The following IFT88 variants were observed in gnomAD, a reference collection of about 807,000 sequenced individuals.
IFT88 encodes intraflagellar transport protein 88 homolog.
In IFT88, 74 loss-of-function variants were observed where a neutral mutation model predicts 119.5. That is an observed-to-expected ratio of 0.62 (90% CI 0.51 to 0.75). The LOEUF is 0.75. Among genes scored for constraint, IFT88 ranks in the 30% least tolerant of loss-of-function variants. The pLI is 0.00. For synonymous variants in IFT88, 279 were observed against 316.7 expected, an observed-to-expected ratio of 0.88 and a Z score of 1.26; for missense variants, 961 against 977.7, an observed-to-expected ratio of 0.98 and a Z score of 0.23.
intron 16 of IFT88, among the ~76,000 whole-genome samples, chr13:20,637,371 G>A (rs577216066): frequency 6.6e-6 from 1 of 152,196 alleles, no homozygotes; most frequent in African/African-American, 2.4e-5. Context: ...ATGTTATACA[G>A]TTGTGAAGGA....
intron 3 of IFT88, among the ~76,000 whole-genome samples, chr13:20,586,136 G>T (rs2039623329): frequency 6.6e-6 from 1 of 152,192 alleles, no homozygotes; most frequent in Non-Finnish European, 1.5e-5. Context: ...TTATAGATGA[G>T]GAAACTGAAG....
Position 20,570,601 on chromosome 13 carries a change from C to G in IFT88, c.-7+3345C>G, listed in dbSNP as rs541149663. Among the ~76,000 whole-genome samples the G allele has an allele frequency of 6.4e-4, 97 of 152,208 alleles. No homozygotes were observed. The South Asian group carries it at 0.018, about 29-fold the overall frequency. On this transcript the variant is annotated intron_variant, in intron 1 of 25. Transcript: ENST00000351808. ...AAGCATTATGCTAAGTGAAAGAGAC[C>G]AGACACAAAAGGCTACATATTGTGT...
Position 20,631,104 on chromosome 13 carries a change from T to C in IFT88, c.1386+2T>C. 1 of 1,559,684 alleles carries C rather than the reference T, an allele frequency of 6.4e-7. No homozygotes were observed. Among genetic ancestry groups the C allele is most frequent in the Non-Finnish European group, 8.8e-7 (1 of 1,130,292 alleles). On this transcript the variant is annotated splice_donor_variant, in intron 16 of 25. Transcript: ENST00000351808. LOFTEE classifies it high-confidence loss of function. ...AATCTCTCAGCCCTGTATTATATGG[T>C]AAGTTTTTTTACTACTAAGAGTTAA... is the stretch of plus-strand genomic sequence containing the variant.
chr13:20,602,909 T>G (rs368498863), intron 12 of IFT88, among the ~76,000 whole-genome samples: 3 of 152,108 alleles, frequency 2.0e-5, no homozygotes, highest in Middle Eastern at 3.4e-3. Context: ...AATAAATTCC[T>G]TATCCTTACT....
intron 5 of IFT88, among the ~76,000 whole-genome samples, 153 bp from the exon 6 acceptor site, chr13:20,591,465 A>T (rs879475089): frequency 6.6e-6 from 1 of 152,200 alleles, no homozygotes; most frequent in Non-Finnish European, 1.5e-5. Flanking sequence ...GACATGATTG[A>T]TACATGAGGA....
At chr13:20,690,601 A>C in intron 24 of IFT88, 104 bp from the exon 25 acceptor site, 1 of 727,096 alleles carries the variant, frequency 1.4e-6, no homozygotes. Flanking sequence ...CAAATTAAAC[A>C]ACCTGCTTGT....
chr13:20,595,247 C>T, intron 7 of IFT88, among the ~76,000 whole-genome samples: 1 of 152,144 alleles, frequency 6.6e-6, no homozygotes. Flanking sequence ...GCACTCTAGC[C>T]TGGGCAACAT....
intron 5 of IFT88, 63 bp downstream of exon 5, chr13:20,591,083 G>GT: frequency 9.1e-7 from 1 of 1,102,944 alleles, no homozygotes; most frequent in South Asian, 1.4e-5. Flanking sequence ...TACTACCAAA[G>GT]TTTTTTTACT....
intron 1 of IFT88, among the ~76,000 whole-genome samples, chr13:20,571,646 T>C (rs2036384664): frequency 6.6e-6 from 1 of 152,168 alleles, no homozygotes; most frequent in Non-Finnish European, 1.5e-5. Context: ...GACCAGGTGG[T>C]CTTTGGTATG....
chr13:20,679,898 G>A (rs983927376), intron 24 of IFT88, among the ~76,000 whole-genome samples: 3 of 152,132 alleles, frequency 2.0e-5, no homozygotes, highest in African/African-American at 7.2e-5. Flanking sequence ...AACTCTTGCT[G>A]TACTTCTTAT....
At chr13:20,642,434 T>C (rs1385618301) in intron 18 of IFT88, 5 of 152,114 alleles carry the variant, frequency 3.3e-5, no homozygotes, top group African/African-American at 4.8e-5. Context: ...TGAAACCCCA[T>C]CTCTACTAAA....
chr13:20,678,017 G>A (rs868597001), intron 24 of IFT88, among the ~76,000 whole-genome samples: 2 of 152,130 alleles, frequency 1.3e-5, no homozygotes, highest in African/African-American at 4.8e-5. Flanking sequence ...GATTATATAC[G>A]TATTATAATT....
intron 13 of IFT88, among the ~76,000 whole-genome samples, chr13:20,615,086 A>G (rs974323551): frequency 2.0e-5 from 3 of 152,218 alleles, no homozygotes; most frequent in Admixed American, 6.5e-5. Context: ...AAGTGCTGGG[A>G]TTACAGGCAT....
intron 11 of IFT88, among the ~76,000 whole-genome samples, chr13:20,600,772 A>C (rs573301324): frequency 6.6e-6 from 1 of 152,374 alleles, no homozygotes; most frequent in African/African-American, 2.4e-5. Flanking sequence ...TATATACCCA[A>C]GAGAAATGAA....
intron 23 of IFT88, among the ~76,000 whole-genome samples, chr13:20,664,523 C>A (rs2054330855): frequency 6.6e-6 from 1 of 152,132 alleles, no homozygotes; most frequent in Non-Finnish European, 1.5e-5. Context: ...ATGGTGTGGA[C>A]CAGCCCCTGG....
intron 13 of IFT88, among the ~76,000 whole-genome samples, chr13:20,613,482 T>C (rs1415524740): frequency 6.6e-6 from 1 of 152,052 alleles, no homozygotes. Flanking sequence ...ATGCTGATGG[T>C]AGGAGTATAA....
chr13:20,633,586 A>G (rs1274641454), intron 16 of IFT88, among the ~76,000 whole-genome samples: 2 of 152,202 alleles, frequency 1.3e-5, no homozygotes, highest in Non-Finnish European at 2.9e-5. Context: ...TTTTGACCCA[A>G]TTCGTCACCA....
chr13:20,671,088 A>G, intron 24 of IFT88, 49 bp downstream of exon 24: 1 of 1,449,930 alleles, frequency 6.9e-7, no homozygotes. Flanking sequence ...CATTTCTAGT[A>G]TGTGGGCTTC....
chr13:20,624,792 T>C (rs1297624294), intron 14 of IFT88, among the ~76,000 whole-genome samples: 1 of 152,188 alleles, frequency 6.6e-6, no homozygotes, highest in Non-Finnish European at 1.5e-5. Flanking sequence ...TGCAGTGATA[T>C]AAAATGATAT....
Sources: allele counts gnomAD v4.1 joint callset (sites outside exome capture counted in the v4.1 genomes callset), GRCh38; gene constraint gnomAD v4.1.1; transcripts MANE v1.5; gene names NCBI Gene and HGNC (gene_info 2026-07-23, HGNC 2026-07-21).